The following E2F3 variants were observed in gnomAD, a reference collection of about 807,000 sequenced individuals.
E2F3 encodes E2F transcription factor 3, also known as transcription factor E2F3.
In E2F3, 11 loss-of-function variants were observed where a neutral mutation model predicts 44.4. That is an observed-to-expected ratio of 0.25 (90% CI 0.16 to 0.41). The LOEUF (loss-of-function observed/expected upper bound fraction) is 0.41, where lower values mean the gene tolerates loss of function less well. Ranked by LOEUF, E2F3 falls within the 10% of genes least tolerant of loss-of-function variation. The pLI is 1.00. For missense variants in E2F3, 487 were observed against 583.6 expected (o/e 0.83, Z 1.70); for synonymous variants, 249 against 253.0 (o/e 0.98, Z 0.15).
At chr6:20,480,714 T>C (rs1484627211) in intron 2 of E2F3, among the ~76,000 whole-genome samples, 1 of 152,158 alleles carries the variant, frequency 6.6e-6, no homozygotes, top group Non-Finnish European at 1.5e-5. Context: ...TTTGGAAAAT[T>C]GGTGAACAGG....
At chr6:20,434,541 G>A (rs959375133) in intron 1 of E2F3, among the ~76,000 whole-genome samples, 12 of 152,192 alleles carry the variant, frequency 7.9e-5, no homozygotes, top group African/African-American at 2.6e-4. Flanking sequence ...TAGACCCACC[G>A]AAAGCTCTAA....
At chr6:20,476,578 A>G (rs919819198) in intron 1 of E2F3, among the ~76,000 whole-genome samples, 1 of 151,880 alleles carries the variant, frequency 6.6e-6, no homozygotes, top group African/African-American at 2.4e-5. Flanking sequence ...TCACTTACCA[A>G]CCTTACTGGA....
At position 20,419,558 on chromosome 6, in the gene E2F3, C is replaced by T. The variant is rs12664066; in HGVS notation, c.393+16933C>T. Among the ~76,000 whole-genome samples, 707 of 110,070 alleles carry T rather than the reference C, an allele frequency of 6.4e-3. 6 individuals carry two copies. The East Asian group carries it at 0.13, about 20-fold the overall frequency. The allele number at this position is 110,070 out of a possible 152,430, so 72.2% of individuals were successfully genotyped here. On this transcript the variant is annotated intron_variant, in intron 1 of 6. Transcript: ENST00000346618. Reference sequence around the variant, plus strand: ...ATTTATTTATTTATTTATTTATTTACTTACTTACTTACTTACTTATTTTGA... The same window carrying T: ...ATTTATTTATTTATTTATTTATTTATTTACTTACTTACTTACTTATTTTGA...
chr6:20,437,685 A>G (rs1268051447), intron 1 of E2F3: 1 of 152,224 alleles, frequency 6.6e-6, no homozygotes, highest in African/African-American at 2.4e-5. Flanking sequence ...TATCCAGAGG[A>G]TGAAGAAAAC....
At chr6:20,439,101 A>T (rs898140637) in intron 1 of E2F3, among the ~76,000 whole-genome samples, 6 of 152,262 alleles carry the variant, frequency 3.9e-5, no homozygotes, top group African/African-American at 1.4e-4. Flanking sequence ...TTTCCGAAAC[A>T]TTCAAAACTT....
At chr6:20,442,276 A>C (rs1760804325) in intron 1 of E2F3, among the ~76,000 whole-genome samples, 2 of 152,150 alleles carry the variant, frequency 1.3e-5, no homozygotes, top group African/African-American at 4.8e-5. Flanking sequence ...CCTCCTCCAG[A>C]AACAATCTGC....
At chr6:20,419,313 C>T (rs1759948011) in intron 1 of E2F3, among the ~76,000 whole-genome samples, 1 of 152,100 alleles carries the variant, frequency 6.6e-6, no homozygotes, top group Non-Finnish European at 1.5e-5. Context: ...GTGTGTATTT[C>T]TGTAGGCTGC....
intron 1 of E2F3, among the ~76,000 whole-genome samples, chr6:20,446,112 C>T (rs1034910810): frequency 1.3e-5 from 2 of 152,000 alleles, no homozygotes; most frequent in Non-Finnish European, 2.9e-5. Flanking sequence ...GAAACTCCAC[C>T]GATAGTGGCC....
At position 20,402,806 on chromosome 6, in the gene E2F3, G is replaced by T. The variant is rs1759351729; in HGVS notation, c.393+181G>T. On this transcript the variant is annotated intron_variant, in intron 1 of 6. Transcript: ENST00000346618. The surrounding 1 kb of genome is among the most constrained non-coding windows in gnomAD (Gnocchi z 5.6). ...CTGAGTGCTCTTCCCGGCGCCAGGA[G>T]GGTCGGGGGGCTCGGCCAGGCGCGC... Among the ~76,000 whole-genome samples, 1 of 152,056 alleles carries T rather than the reference G, an allele frequency of 6.6e-6. No homozygotes were observed. Among genetic ancestry groups the T allele is most frequent in the African/African-American group, 2.4e-5 (1 of 41,418 alleles).
chr6:20,403,599 G>A, intron 1 of E2F3: 1 of 468,080 alleles, frequency 2.1e-6, no homozygotes, highest in Non-Finnish European at 3.8e-6. Context: ...GCTGGAGGGG[G>A]AGAGGGGGGC....
chr6:20,469,761 C>T (rs547956201), intron 1 of E2F3, among the ~76,000 whole-genome samples: 5 of 152,152 alleles, frequency 3.3e-5, no homozygotes, highest in South Asian at 2.1e-4. Context: ...GATGGGGATA[C>T]GGTTGGAGTT....
chr6:20,486,486 T>A (rs989562909), intron 4 of E2F3, among the ~76,000 whole-genome samples: 2 of 152,062 alleles, frequency 1.3e-5, no homozygotes, highest in Non-Finnish European at 2.9e-5. Context: ...GTTAGCCAGG[T>A]TGGTCTCCAT....
In E2F3 at chr6:20,490,225, C is replaced by T; in HGVS notation, c.1193C>T (p.Ser398Phe). The T allele has an allele frequency of 6.2e-7, 1 of 1,614,036 alleles. No individual in the cohort carries two copies. Among genetic ancestry groups the T allele is most frequent in the Non-Finnish European group, 8.5e-7 (1 of 1,179,954 alleles). The stretch of plus-strand genomic sequence containing the variant: ...TGCTCAGTTTCTATGGGAAACCTTT[C>T]TCCTCTGGCCTCCCCAGCCAACCTC... ...SDCSVSMGNL[S>F]PLASPANLLQ... Residue 398 changes from serine (S) to phenylalanine (F), a missense_variant, in exon 7 of 7, where the codon TCT becomes TTT. Transcript: ENST00000346618. This position sits in a 1 kb window ranked among gnomAD's most constrained non-coding sequence, Gnocchi z 4.3.
chr6:20,410,204 G>A (rs982825768), intron 1 of E2F3, among the ~76,000 whole-genome samples: 5 of 152,160 alleles, frequency 3.3e-5, no homozygotes, highest in South Asian at 2.1e-4. Flanking sequence ...CATCCCTGAG[G>A]CCCACACTAT....
intron 1 of E2F3, among the ~76,000 whole-genome samples, chr6:20,432,479 T>C (rs1329371960): frequency 6.6e-6 from 1 of 152,238 alleles, no homozygotes; most frequent in Non-Finnish European, 1.5e-5. Context: ...TTAGGTTTGT[T>C]TGAGACAAGA....
intron 1 of E2F3, among the ~76,000 whole-genome samples, chr6:20,437,614 A>T (rs1249103037): frequency 6.6e-6 from 1 of 152,136 alleles, no homozygotes; most frequent in Non-Finnish European, 1.5e-5. Context: ...GGTAAAATGC[A>T]TTTTAGAACC....
chr6:20,471,612 T>C (rs973958405), intron 1 of E2F3, among the ~76,000 whole-genome samples: 1 of 152,108 alleles, frequency 6.6e-6, no homozygotes, highest in Admixed American at 6.6e-5. Flanking sequence ...GTTGGACATA[T>C]GTGGAAAAAT....
At chr6:20,457,855 T>A (rs1761362699) in intron 1 of E2F3, among the ~76,000 whole-genome samples, 1 of 152,196 alleles carries the variant, frequency 6.6e-6, no homozygotes, top group South Asian at 2.1e-4. Flanking sequence ...CATTTTTTTT[T>A]CCAAAATTAA....
intron 3 of E2F3, among the ~76,000 whole-genome samples, chr6:20,482,021 A>C (rs571996100): frequency 6.6e-6 from 1 of 152,334 alleles, no homozygotes; most frequent in African/African-American, 2.4e-5. Flanking sequence ...ATTTTAGAGC[A>C]TCTAAATAGC....
Sources: allele counts gnomAD v4.1 joint callset (sites outside exome capture counted in the v4.1 genomes callset), GRCh38; gene constraint gnomAD v4.1.1; non-coding constraint Gnocchi (gnomAD v3.1); transcripts MANE v1.5; gene names NCBI Gene and HGNC (gene_info 2026-07-23, HGNC 2026-07-21).